Variants in NCOA7 observed in about 807,000 individuals in gnomAD.
NCOA7 encodes the protein nuclear receptor coactivator 7.
A neutral mutation model predicts 104.3 loss-of-function variants in NCOA7; 45 were observed. The ratio of observed to expected loss-of-function variants is 0.43; its 90% CI spans 0.34 to 0.55. The LOEUF is 0.55. NCOA7 is among the 20% of genes least tolerant of loss of function. NCOA7 has a pLI of 0.02. For missense variants in NCOA7, 1,041 were observed against 1,119.7 expected (o/e 0.93, Z 1.00); for synonymous variants, 398 against 402.3 (o/e 0.99, Z 0.13).
rs1047500264 is a variant in NCOA7 at position 125,930,959 on chromosome 6, C to T, written c.*2188C>T. On this transcript the variant is annotated 3_prime_UTR_variant, in exon 16 of 16. Coordinates refer to ENST00000392477, the MANE Select transcript of NCOA7 (RefSeq NM_181782.5). ...CTCTGACCTAGTTTAGTCCATGATACTATAATTGTGAGAGCATATCCAGAT... is the reference window on the plus strand; with the variant it reads ...CTCTGACCTAGTTTAGTCCATGATATTATAATTGTGAGAGCATATCCAGAT... The T allele has an allele frequency of 6.6e-6, 1 of 152,610 alleles. No homozygotes were observed. The highest frequency in any genetic ancestry group is 1.5e-5 in the Non-Finnish European group (1 of 68,022). The allele number at this position is 152,610 out of a possible 1,614,324, so 9.5% of individuals were successfully genotyped here. A position where few individuals can be genotyped will look rare whatever the true frequency, so the allele number is the denominator to read the frequency against.
At chr6:125,825,650 T>C (rs1778598575) in intron 2 of NCOA7, among the ~76,000 whole-genome samples, 1 of 152,216 alleles carries the variant, frequency 6.6e-6, no homozygotes, top group African/African-American at 2.4e-5. Context: ...AATTTGGTTA[T>C]TTTATTTTCA....
intron 10 of NCOA7, among the ~76,000 whole-genome samples, chr6:125,908,957 T>C (rs1410063855): frequency 6.6e-6 from 1 of 152,258 alleles, no homozygotes; most frequent in African/African-American, 2.4e-5. Context: ...CCTTGCAGTC[T>C]TGCACAAGAA....
intron 11 of NCOA7, among the ~76,000 whole-genome samples, chr6:125,915,901 T>G (rs1386824133): frequency 6.6e-6 from 1 of 152,244 alleles, no homozygotes; most frequent in Non-Finnish European, 1.5e-5. Flanking sequence ...TTTCACATAG[T>G]TATTATGTGT....
chr6:125,859,108 C>T (rs1047685264), intron 3 of NCOA7, among the ~76,000 whole-genome samples: 19 of 152,028 alleles, frequency 1.2e-4, no homozygotes, highest in Admixed American at 7.2e-4. Context: ...ATTTAGTTTA[C>T]CATCAACTCT....
Position 125,882,368 on chromosome 6 carries a change from C to T in NCOA7, c.574-58C>T, listed in dbSNP as rs1783911220. The T allele has an allele frequency of 3.2e-6, 5 of 1,567,386 alleles. No individual in the cohort carries two copies. The South Asian group carries it at 4.6e-5, about 14-fold the overall frequency. ...GGGAATTTATGGGGCTTGATTTATA[C>T]ACATAATTTGTTTGAAAAGTGCTTT... On this transcript the variant is annotated intron_variant, in intron 6 of 15. Coordinates refer to ENST00000392477, the MANE Select transcript of NCOA7 (RefSeq NM_181782.5).
intron 9 of NCOA7, 26 bp from the exon 10 acceptor site, chr6:125,890,616 G>C (rs955082207): frequency 6.3e-7 from 1 of 1,589,232 alleles, no homozygotes; most frequent in Admixed American, 1.8e-5. Context: ...CAATATTGAG[G>C]AACAGTTTTT....
chr6:125,822,159 A>G (rs533886769), intron 2 of NCOA7, among the ~76,000 whole-genome samples: 36 of 152,352 alleles, frequency 2.4e-4, no homozygotes, highest in African/African-American at 7.5e-4. Context: ...ATCTTAAATC[A>G]TCTTTAGTAT....
At position 125,884,171 on chromosome 6, in the gene NCOA7, T is replaced by C. The variant is rs116315716; in HGVS notation, c.700-988T>C. ...ATGTTCTCCAGGTTCATCCATGTTA[T>C]TGCAAATGACAGGATTGCATTCTTT... On this transcript the variant is annotated intron_variant, in intron 7 of 15. Transcript: ENST00000392477. Among the ~76,000 whole-genome samples the C allele has an allele frequency of 6.1e-3, 930 of 152,364 alleles. 3 individuals carry two copies. The highest frequency in any genetic ancestry group is 0.02 in the African/African-American group (845 of 41,588).
At chr6:125,859,255 C>T (rs1781846691) in intron 3 of NCOA7, among the ~76,000 whole-genome samples, 1 of 151,010 alleles carries the variant, frequency 6.6e-6, no homozygotes, top group African/African-American at 2.4e-5. Flanking sequence ...AAAACAGAGG[C>T]AAAAATTGAC....
Position 125,928,253 on chromosome 6 carries a change from GT to G in NCOA7, c.2693+14del. The G allele has an allele frequency of 5.0e-6, 8 of 1,598,616 alleles. No individual in the cohort carries two copies. Among genetic ancestry groups the G allele is most frequent in the Admixed American group, 3.6e-5 (2 of 55,746 alleles). On this transcript the variant is annotated splice_region_variant and intron_variant, in intron 15 of 15. Coordinates refer to ENST00000392477, the MANE Select transcript of NCOA7 (RefSeq NM_181782.5). ...TTAGAACTTGGTGGTGGAGGGTAAG[GT>G]TTTTTTTGTTTTTGTTTTCTTATTG...
chr6:125,786,785 A>G (rs1774488919), upstream of NCOA7, among the ~76,000 whole-genome samples: 2 of 152,116 alleles, frequency 1.3e-5, no homozygotes, highest in South Asian at 4.1e-4. Context: ...CGTGTTGGCC[A>G]GGCTTGTCTC....
chr6:125,848,084 T>A (rs1780782950), intron 2 of NCOA7, among the ~76,000 whole-genome samples: 2 of 151,956 alleles, frequency 1.3e-5, no homozygotes, highest in African/African-American at 4.8e-5. Flanking sequence ...GAAATGCAAA[T>A]CAAAATCACA....
chr6:125,823,232 G>A (rs1778362117), intron 2 of NCOA7, among the ~76,000 whole-genome samples: 1 of 152,172 alleles, frequency 6.6e-6, no homozygotes, highest in East Asian at 1.9e-4. Context: ...ATTCTTTCAA[G>A]GGGCCTATTC....
intron 3 of NCOA7, among the ~76,000 whole-genome samples, chr6:125,868,818 C>G (rs1451430610): frequency 2.6e-5 from 4 of 152,192 alleles, no homozygotes; most frequent in African/African-American, 9.7e-5. Context: ...ACCATCCTCC[C>G]TCTTTAGTAG....
chr6:125,781,697 T>C (rs1774233416), intron 1 of NCOA7, among the ~76,000 whole-genome samples: 1 of 152,232 alleles, frequency 6.6e-6, no homozygotes, highest in South Asian at 2.1e-4. Context: ...AGTTTAAATT[T>C]GTATAGGTTT....
upstream of NCOA7, chr6:125,790,905 T>A (rs1774776671): frequency 6.6e-6 from 1 of 152,370 alleles, no homozygotes; most frequent in South Asian, 2.1e-4. Context: ...TCCCGCCTCC[T>A]CCTCTTGCTC....
At chr6:125,789,280 A>G (rs2128540499), upstream of NCOA7, among the ~76,000 whole-genome samples, 1 of 152,356 alleles carries the variant, frequency 6.6e-6, no homozygotes, top group African/African-American at 2.4e-5. Flanking sequence ...CTTCCTGGAC[A>G]AGCGCAGTGC....
At chr6:125,875,998 C>G (rs995515991) in intron 4 of NCOA7, among the ~76,000 whole-genome samples, 2 of 152,084 alleles carry the variant, frequency 1.3e-5, no homozygotes, top group African/African-American at 2.4e-5. Flanking sequence ...AAAGTGGGGA[C>G]TCAGTTGTAG....
At chr6:125,877,551 T>C (rs551901819) in intron 4 of NCOA7, among the ~76,000 whole-genome samples, 254 of 152,314 alleles carry the variant, frequency 1.7e-3, no homozygotes, top group African/African-American at 5.8e-3. Context: ...TGTTTTCCTG[T>C]GAAGTTTCTC....
Sources: allele counts gnomAD v4.1 joint callset (sites outside exome capture counted in the v4.1 genomes callset), GRCh38; gene constraint gnomAD v4.1.1; transcripts MANE v1.5; gene names NCBI Gene and HGNC (gene_info 2026-07-23, HGNC 2026-07-21).